DLG4: variants seen among roughly 807,000 people sequenced by gnomAD.
DLG4 encodes discs large MAGUK scaffold protein 4, also known as disks large homolog 4.
DLG4 carries 7 observed loss-of-function variants against 93.8 expected under a neutral mutation model. The ratio of observed to expected loss-of-function variants is 0.07; its 90% confidence interval spans 0.04 to 0.14. The LOEUF (loss-of-function observed/expected upper bound fraction) is 0.14, where lower values mean the gene tolerates loss of function less well. DLG4 is among the 10% of genes least tolerant of loss of function. The pLI is 1.00. For synonymous variants in DLG4, 341 were observed against 387.6 expected (o/e 0.88, Z 1.41); for missense variants, 545 against 992.9 (o/e 0.55, Z 6.06).
chr17:7,195,784 C>G lies in DLG4; in HGVS notation c.1301+436G>C, dbSNP rs1267989957. 1.3e-5 allele frequency among the ~76,000 whole-genome samples: 2 copies of G among 152,152 alleles called. No homozygotes were observed. Among genetic ancestry groups the G allele is most frequent in the Non-Finnish European group, 2.9e-5 (2 of 68,022 alleles). On this transcript the variant is annotated intron_variant, in intron 11 of 19. Transcript: ENST00000399506. The surrounding 1 kb of genome is among the most constrained non-coding windows in gnomAD (Gnocchi z 4.3). ...CAAAAAGAGTCAATGGAGACGAGCCCTAAGAGGGGAGCAAAATGCCGCTGG... is the reference window on the plus strand; with the variant it reads ...CAAAAAGAGTCAATGGAGACGAGCCGTAAGAGGGGAGCAAAATGCCGCTGG...
Position 7,203,345 on chromosome 17 carries a change from G to T in DLG4, c.506-16C>A. 1 of 1,593,846 alleles carries T rather than the reference G, an allele frequency of 6.3e-7. No individual in the cohort carries two copies. Among genetic ancestry groups the T allele is most frequent in the Non-Finnish European group, 8.6e-7 (1 of 1,164,562 alleles). ...AAGCCAAGACCTGGATGGAGGGGAG[G>T]CCAGAGGTGGGTGCCCAGGAAGCAG... is the stretch of plus-strand genomic sequence containing the variant. On this transcript the variant is annotated splice_polypyrimidine_tract_variant and intron_variant, in intron 6 of 19. Coordinates refer to ENST00000399506, the MANE Select transcript of DLG4 (RefSeq NM_001321075.3). This position sits in a 1 kb window ranked among gnomAD's most constrained non-coding sequence, Gnocchi z 7.2.
intron 1 of DLG4, among the ~76,000 whole-genome samples, chr17:7,214,328 C>G (rs565213509): frequency 6.6e-4 from 100 of 152,294 alleles, no homozygotes; most frequent in African/African-American, 2.4e-3. Flanking sequence ...GCCCTCATTT[C>G]GGTCAGGTAA....
At chr17:7,204,437 G>A (rs1331772738) in intron 2 of DLG4, 185 bp from the exon 3 acceptor site, 3 of 611,242 alleles carry the variant, frequency 4.9e-6, no homozygotes, top group Non-Finnish European at 8.6e-6. Flanking sequence ...GTGCACATGC[G>A]CACGCGCACA....
In DLG4 at chr17:7,194,581, C is replaced by T. The variant is rs555254182; in HGVS notation, c.1302-86G>A. Reference sequence around the variant, plus strand: ...TCACCCAAAGACCCGGCCCAGAGGTCTGCAGATGGCACTCCCATGGGAGCT... The same window carrying T: ...TCACCCAAAGACCCGGCCCAGAGGTTTGCAGATGGCACTCCCATGGGAGCT... On this transcript the variant is annotated intron_variant, in intron 11 of 19. Transcript: ENST00000399506. The surrounding 1 kb of genome is among the most constrained non-coding windows in gnomAD (Gnocchi z 4.4). 8.5e-6 allele frequency: 12 copies of T among 1,417,914 alleles called. No homozygotes were observed. In the South Asian group the frequency reaches 1.3e-4, roughly 16 times the overall value. The allele number at this position is 1,417,914 out of a possible 1,614,324, so 87.8% of individuals were successfully genotyped here.
rs35868661 is a variant in DLG4, at chr17:7,190,963, CTTTTTTTT to C, written c.2069-157_2069-150del. On this transcript the variant is annotated intron_variant, in intron 19 of 19. Coordinates refer to ENST00000399506, the MANE Select transcript of DLG4 (RefSeq NM_001321075.3). ...GCTGCACCCGCCCACAGGGGCACCT[CTTTTTTTT>C]TTTTTTTTTTTTTTTTGAGATTGAG... The C allele has an allele frequency of 3.1e-3, 1,072 of 348,456 alleles. 9 individuals carry two copies. Among genetic ancestry groups the C allele is most frequent in the African/African-American group, 0.02 (530 of 26,612 alleles). 21.6% of individuals were successfully genotyped at this position (348,456 alleles called of 1,614,324 possible).
chr17:7,218,876 C>A, upstream of DLG4: 1 of 1,613,074 alleles, frequency 6.2e-7, no homozygotes, highest in South Asian at 1.1e-5. Context: ...TTTAATCTCC[C>A]TAATCCTCCA....
chr17:7,215,655 C>T (rs749264466), intron 1 of DLG4, among the ~76,000 whole-genome samples: 35 of 152,152 alleles, frequency 2.3e-4, no homozygotes, highest in Non-Finnish European at 4.3e-4. Flanking sequence ...ACAAGAAAGT[C>T]GCCCTGGTGG....
intron 1 of DLG4, among the ~76,000 whole-genome samples, chr17:7,209,257 G>A (rs2142909413): frequency 6.6e-6 from 1 of 152,288 alleles, no homozygotes; most frequent in South Asian, 2.1e-4. Context: ...AGTAAAATGA[G>A]ATTAACTGGG....
In DLG4 at chr17:7,208,309, C is replaced by T. The variant is rs2070572236; in HGVS notation, c.31-70G>A. 8 of 1,265,840 alleles carry T rather than the reference C, an allele frequency of 6.3e-6. No individual in the cohort carries two copies. The highest frequency in any genetic ancestry group is 7.1e-6 in the Non-Finnish European group (7 of 986,550). The allele number at this position is 1,265,840 out of a possible 1,614,324, so 78.4% of individuals were successfully genotyped here. On this transcript the variant is annotated intron_variant, in intron 1 of 19. Transcript: ENST00000399506. The surrounding 1 kb of genome is among the most constrained non-coding windows in gnomAD (Gnocchi z 5.4). ...CAGGCTCCAGGCTGGCCGCCCTGGC[C>T]GCCGCCTCTTCCCCCAGCCAGTGCA...
chr17:7,197,434 G>A (rs551828420), intron 8 of DLG4, among the ~76,000 whole-genome samples: 6 of 151,848 alleles, frequency 4.0e-5, no homozygotes, highest in Admixed American at 2.0e-4. Context: ...CCATCCATTC[G>A]TTGAAAAAAC....
chr17:7,189,019 G>C lies in DLG4; in HGVS notation c.*1689C>G, dbSNP rs1230706906. ...CCCAGCTATTCGAGAGGCTGAGGCA[G>C]GAGAACCGTGTGAACCCAGCAGGCA... On this transcript the variant is annotated 3_prime_UTR_variant, in exon 20 of 20. Transcript: ENST00000399506. 1.3e-5 allele frequency among the ~76,000 whole-genome samples: 2 copies of C among 151,326 alleles called. No individual in the cohort carries two copies. The highest frequency in any genetic ancestry group is 2.4e-5 in the African/African-American group (1 of 41,098).
chr17:7,204,440 C>G (rs1408272919), intron 2 of DLG4, 188 bp from the exon 3 acceptor site: 6 of 606,982 alleles, frequency 9.9e-6, no homozygotes, highest in Non-Finnish European at 1.7e-5. Flanking sequence ...CACATGCGCA[C>G]GCGCACACAC....
At chr17:7,218,728 T>G, upstream of DLG4, 1 of 1,567,762 alleles carries the variant, frequency 6.4e-7, no homozygotes, top group Non-Finnish European at 8.7e-7. Flanking sequence ...GACTGTGCCC[T>G]TCACCCCAGC....
intron 2 of DLG4, among the ~76,000 whole-genome samples, chr17:7,205,431 C>T (rs991285379): frequency 5.9e-5 from 9 of 152,170 alleles, no homozygotes; most frequent in African/African-American, 1.9e-4. Context: ...GGTCCCCAAC[C>T]TACTTCCTCC....
chr17:7,213,450 G>C (rs371009714), intron 1 of DLG4, among the ~76,000 whole-genome samples: 2 of 151,928 alleles, frequency 1.3e-5, no homozygotes, highest in South Asian at 2.1e-4. Flanking sequence ...ACCCTTTTCT[G>C]TCTGCCCAGA....
Position 7,208,999 on chromosome 17 carries a change from C to A in DLG4, c.31-760G>T, listed in dbSNP as rs62059161. On this transcript the variant is annotated intron_variant, in intron 1 of 19. Transcript: ENST00000399506. The surrounding 1 kb of genome is among the most constrained non-coding windows in gnomAD (Gnocchi z 5.4). ...CAGCCCACAGCCCAGCCAGCTAATC[C>A]GGTTATGCTATAAGGGCATGGGCTG... Among the ~76,000 whole-genome samples the A allele has an allele frequency of 6.6e-6, 1 of 152,086 alleles. No individual in the cohort carries two copies. The highest frequency in any genetic ancestry group is 6.6e-5 in the Admixed American group (1 of 15,264).
chr17:7,217,541 G>T lies in DLG4; in HGVS notation c.-394C>A, dbSNP rs1030899532. On this transcript the variant is annotated 5_prime_UTR_variant, in exon 1 of 20. Coordinates refer to ENST00000399506, the MANE Select transcript of DLG4 (RefSeq NM_001321075.3). ...CTTGCCAAACGGCCAGGGGCTAGGGGCCGTGGCGGGGGAGTGGGGTGGGGG... is the reference window on the plus strand; with the variant it reads ...CTTGCCAAACGGCCAGGGGCTAGGGTCCGTGGCGGGGGAGTGGGGTGGGGG... The T allele has an allele frequency of 1.6e-6, 1 of 630,728 alleles. No individual in the cohort carries two copies. The highest frequency in any genetic ancestry group is 2.2e-5 in the African/African-American group (1 of 44,504). The allele number at this position is 630,728 out of a possible 1,614,324, so 39.1% of individuals were successfully genotyped here. A position where few individuals can be genotyped will look rare whatever the true frequency, so the allele number is the denominator to read the frequency against.
At position 7,195,247 on chromosome 17, in the gene DLG4, T is replaced by C. The variant is rs971614305; in HGVS notation, c.1302-752A>G. On this transcript the variant is annotated intron_variant, in intron 11 of 19. Coordinates refer to ENST00000399506, the MANE Select transcript of DLG4 (RefSeq NM_001321075.3). The surrounding 1 kb of genome is among the most constrained non-coding windows in gnomAD (Gnocchi z 4.3). Reference sequence around the variant, plus strand: ...GTAATGAAGACACAGAAGAAAGCAATGGGCCTGGAGAGGAGGGAGGAGACC... The same window carrying C: ...GTAATGAAGACACAGAAGAAAGCAACGGGCCTGGAGAGGAGGGAGGAGACC... Among the ~76,000 whole-genome samples the C allele has an allele frequency of 6.6e-6, 1 of 152,016 alleles. No individual in the cohort carries two copies. Among genetic ancestry groups the C allele is most frequent in the Non-Finnish European group, 1.5e-5 (1 of 68,022 alleles).
upstream of DLG4, chr17:7,219,481 C>G: frequency 9.6e-7 from 1 of 1,041,906 alleles, no homozygotes; most frequent in Non-Finnish European, 1.2e-6. Flanking sequence ...TACTCACACC[C>G]TAGCTTGGGT....
Sources: allele counts gnomAD v4.1 joint callset (sites outside exome capture counted in the v4.1 genomes callset), GRCh38; gene constraint gnomAD v4.1.1; non-coding constraint Gnocchi (gnomAD v3.1); transcripts MANE v1.5; gene names NCBI Gene and HGNC (gene_info 2026-07-23, HGNC 2026-07-21).